ARHGAP42: variants seen among roughly 807,000 people sequenced by gnomAD.
ARHGAP42 encodes the protein rho GTPase-activating protein 42.
ARHGAP42 carries 63 observed loss-of-function variants against 125.0 expected under a neutral mutation model. The observed-to-expected ratio is 0.50, with a 90% CI of 0.41 to 0.62. The LOEUF is 0.62. ARHGAP42 is among the 20% of genes least tolerant of loss of function. The pLI, the probability that ARHGAP42 is intolerant of heterozygous loss-of-function variation, is 0.00. For synonymous variants in ARHGAP42, 339 were observed against 351.0 expected, an observed-to-expected ratio of 0.97 and a Z score of 0.38; for missense variants, 766 against 1,024.2, an observed-to-expected ratio of 0.75 and a Z score of 3.44.
In ARHGAP42 at chr11:100,934,626, A is replaced by G. The variant is rs74755419; in HGVS notation, c.702+1366A>G. ...ACATTATCAAACCTGACAAATAATGATGTCTTAATTGTTGAGGTTTTACTA... is the reference window on the plus strand; with the variant it reads ...ACATTATCAAACCTGACAAATAATGGTGTCTTAATTGTTGAGGTTTTACTA... On this transcript the variant is annotated intron_variant, in intron 7 of 23. Transcript: ENST00000298815. Among the ~76,000 whole-genome samples the G allele has an allele frequency of 7.1e-3, 1,086 of 152,294 alleles. 69 individuals carry two copies. The East Asian group carries it at 0.15, about 21-fold the overall frequency.
intron 1 of ARHGAP42, among the ~76,000 whole-genome samples, chr11:100,740,800 G>A (rs1862168386): frequency 6.6e-6 from 1 of 152,094 alleles, no homozygotes; most frequent in Non-Finnish European, 1.5e-5. Flanking sequence ...TTTGGCACAG[G>A]GTTGATGAAG....
intron 4 of ARHGAP42, among the ~76,000 whole-genome samples, chr11:100,894,413 A>C (rs1361103083): frequency 6.6e-6 from 1 of 152,232 alleles, no homozygotes; most frequent in Non-Finnish European, 1.5e-5. Context: ...TCTTGATTAT[A>C]AAGCAATACT....
chr11:100,922,191 A>G (rs998059491), intron 6 of ARHGAP42, among the ~76,000 whole-genome samples: 5 of 152,186 alleles, frequency 3.3e-5, no homozygotes, highest in African/African-American at 1.2e-4. Context: ...ACGGAGAGGG[A>G]AAACCAACGG....
intron 4 of ARHGAP42, among the ~76,000 whole-genome samples, chr11:100,865,328 G>A (rs1865543898): frequency 6.6e-6 from 1 of 152,150 alleles, no homozygotes; most frequent in Admixed American, 6.5e-5. Context: ...CATGTGAAAA[G>A]TGACTGCAGT....
intron 3 of ARHGAP42, among the ~76,000 whole-genome samples, chr11:100,850,558 G>A (rs948308232): frequency 2.0e-4 from 31 of 152,066 alleles, no homozygotes; most frequent in African/African-American, 7.5e-4. Flanking sequence ...TATGTGTTAT[G>A]TATTTATTCA....
chr11:100,774,293 G>A (rs1461807235), intron 2 of ARHGAP42, among the ~76,000 whole-genome samples: 3 of 152,252 alleles, frequency 2.0e-5, no homozygotes, highest in Admixed American at 6.5e-5. Context: ...TAAGGATCAC[G>A]CTTGTCCACC....
rs1565265941 is a variant in ARHGAP42, at chr11:100,899,729, TTTTTG to T, written c.385-13718_385-13714del. On this transcript the variant is annotated intron_variant, in intron 4 of 23. Coordinates refer to ENST00000298815, the MANE Select transcript of ARHGAP42 (RefSeq NM_152432.4). Reference sequence around the variant, plus strand: ...TGTTTTGTTTTGTGTTTTGTTTTTTTTTTTGTTTTTTTTTGCTCTCTATTTGCTTT... The same window carrying T: ...TGTTTTGTTTTGTGTTTTGTTTTTTTTTTTTTTTTGCTCTCTATTTGCTTT... 2.7e-4 allele frequency among the ~76,000 whole-genome samples: 26 copies of T among 94,598 alleles called. 1 individual carries two copies. The highest frequency in any genetic ancestry group is 1.3e-3 in the East Asian group (6 of 4,548). The allele number at this position is 94,598 out of a possible 152,430, so 62.1% of individuals were successfully genotyped here.
At chr11:100,930,871 C>T (rs1020615674) in intron 6 of ARHGAP42, among the ~76,000 whole-genome samples, 1 of 152,134 alleles carries the variant, frequency 6.6e-6, no homozygotes, top group African/African-American at 2.4e-5. Flanking sequence ...ATGAAGCGCA[C>T]CCAGCATCTT....
At chr11:100,818,144 G>A (rs1864313197) in intron 3 of ARHGAP42, among the ~76,000 whole-genome samples, 1 of 152,106 alleles carries the variant, frequency 6.6e-6, no homozygotes, top group African/African-American at 2.4e-5. Context: ...TGTCCCCCTG[G>A]TCCTTCCATC....
chr11:100,863,313 G>C (rs1466286508), intron 4 of ARHGAP42, among the ~76,000 whole-genome samples: 3 of 152,194 alleles, frequency 2.0e-5, no homozygotes, highest in Admixed American at 2.0e-4. Context: ...TGATTAGCCA[G>C]CTGGAAGGGA....
At chr11:100,919,575 T>TA (rs887259434) in intron 5 of ARHGAP42, among the ~76,000 whole-genome samples, 2 of 151,944 alleles carry the variant, frequency 1.3e-5, no homozygotes, top group African/African-American at 2.4e-5. Flanking sequence ...TTTTCTTTTT[T>TA]AAAAAAAATG....
intron 1 of ARHGAP42, among the ~76,000 whole-genome samples, chr11:100,733,783 C>CCACT (rs1394967082): frequency 3.1e-5 from 4 of 127,862 alleles, no homozygotes; most frequent in Admixed American, 8.8e-5. Context: ...GGAGACTGTG[C>CCACT]CACTACACTC....
At chr11:100,777,069 T>C (rs919432752) in intron 2 of ARHGAP42, among the ~76,000 whole-genome samples, 3 of 151,930 alleles carry the variant, frequency 2.0e-5, no homozygotes, top group Non-Finnish European at 2.9e-5. Flanking sequence ...ATCGTACATG[T>C]ACTGATTGAT....
In ARHGAP42 at chr11:100,990,344, TTTAAA is replaced by T. The variant is rs779683048; in HGVS notation, c.*1548_*1552del. ...TATCTGTAATCTCTATCTCTTCTAC[TTTAAA>T]TTAATGTTTCTAGAATTAATAGGTT... is the stretch of plus-strand genomic sequence containing the variant. On this transcript the variant is annotated 3_prime_UTR_variant, in exon 24 of 24. Coordinates refer to ENST00000298815, the MANE Select transcript of ARHGAP42 (RefSeq NM_152432.4). The T allele has an allele frequency of 2.6e-5, 4 of 152,214 alleles. No individual in the cohort carries two copies. The highest frequency in any genetic ancestry group is 4.1e-4 in the South Asian group (2 of 4,824). 9.4% of individuals were successfully genotyped at this position (152,214 alleles called of 1,614,324 possible).
In ARHGAP42 at chr11:100,976,865, A is replaced by G. The variant is rs1248388289; in HGVS notation, c.2287A>G (p.Lys763Glu). 1.3e-6 allele frequency: 2 copies of G among 1,551,542 alleles called. No homozygotes were observed. Among genetic ancestry groups the G allele is most frequent in the African/African-American group, 1.4e-5 (1 of 73,156 alleles). Residue 763 changes from lysine (K) to glutamate (E), a missense_variant, in exon 21 of 24, where the codon AAG (lysine) becomes GAG (glutamate). Lys to Glu is a moderately conservative substitution (Grantham distance 56). Transcript: ENST00000298815. ...TCAAAGCTTAACTTCTGTAGGTTCC[A>G]AGGAGACACCCAAAGCTTCACCAAA... is the stretch of plus-strand genomic sequence containing the variant. ...SIQSLTSVGS[K>E]ETPKASPNPD...
intron 3 of ARHGAP42, among the ~76,000 whole-genome samples, chr11:100,849,839 T>C (rs1347831934): frequency 6.6e-6 from 1 of 152,182 alleles, no homozygotes; most frequent in African/African-American, 2.4e-5. Flanking sequence ...TATATCGAGA[T>C]AGCATGTGAC....
chr11:100,983,965 A>G (rs191858369), intron 22 of ARHGAP42, among the ~76,000 whole-genome samples: 2 of 152,232 alleles, frequency 1.3e-5, no homozygotes. Flanking sequence ...AAAATATAAA[A>G]CATTAATTGG....
chr11:100,922,206 G>C (rs1286672694), intron 6 of ARHGAP42, among the ~76,000 whole-genome samples: 5 of 152,180 alleles, frequency 3.3e-5, no homozygotes, highest in Non-Finnish European at 2.9e-5. Context: ...CAACGGCTCT[G>C]TTTTCCCCTT....
intron 3 of ARHGAP42, among the ~76,000 whole-genome samples, chr11:100,795,529 A>G (rs1040945687): frequency 2.6e-5 from 4 of 152,164 alleles, no homozygotes; most frequent in African/African-American, 9.7e-5. Context: ...CAAATGTTTG[A>G]GACAATTCAT....
Sources: gnomAD v4.1 joint callset for allele counts (sites outside exome capture counted in the v4.1 genomes callset) on GRCh38, gnomAD v4.1.1 for gene constraint, MANE v1.5 for transcripts, NCBI Gene and HGNC (gene_info 2026-07-23, HGNC 2026-07-21) for gene names.